CTNNA2: variants seen among roughly 807,000 people sequenced by gnomAD.
CTNNA2 encodes the protein catenin alpha-2.
In CTNNA2, 42 loss-of-function variants were observed where a neutral mutation model predicts 101.0. The observed-to-expected ratio is 0.42, with a 90% confidence interval of 0.32 to 0.54. The LOEUF is 0.54. CTNNA2 is among the 20% of genes least tolerant of loss of function. The probability of loss-of-function intolerance (pLI) is 0.14; values close to 1 mark genes in which losing one functional copy is unlikely to be tolerated. For missense variants in CTNNA2, 871 were observed against 1,223.1 expected (o/e 0.71, Z 4.29); for synonymous variants, 450 against 456.4 (o/e 0.99, Z 0.18).
intron 7 of CTNNA2, among the ~76,000 whole-genome samples, chr2:79,930,535 A>G (rs1290020724): frequency 6.6e-6 from 1 of 152,134 alleles, no homozygotes; most frequent in East Asian, 1.9e-4. Flanking sequence ...TTGCATTATG[A>G]TGCCTGGACG....
chr2:79,667,252 T>C (rs766459809), intron 2 of CTNNA2, among the ~76,000 whole-genome samples: 5 of 152,230 alleles, frequency 3.3e-5, no homozygotes, highest in Non-Finnish European at 7.3e-5. Context: ...GTAGTCCCTC[T>C]TGGGCCGTCA....
At chr2:80,220,549 T>G (rs952403705) in intron 7 of CTNNA2, among the ~76,000 whole-genome samples, 2 of 152,176 alleles carry the variant, frequency 1.3e-5, no homozygotes, top group Non-Finnish European at 2.9e-5. Flanking sequence ...TAGCAAGACC[T>G]CGGCTCTATT....
intron 9 of CTNNA2, among the ~76,000 whole-genome samples, chr2:80,532,727 T>G (rs1374168846): frequency 6.6e-6 from 1 of 152,140 alleles, no homozygotes. Flanking sequence ...AACTACTGTT[T>G]GGTTTGTGTG....
At chr2:79,689,345 T>C (rs1419455593) in intron 2 of CTNNA2, among the ~76,000 whole-genome samples, 1 of 151,900 alleles carries the variant, frequency 6.6e-6, no homozygotes, top group African/African-American at 2.4e-5. Context: ...ATAGAATCTG[T>C]CACAAGACTC....
chr2:79,288,158 A>G lies in CTNNA2; in HGVS notation c.-405-24551A>G, dbSNP rs192401688. On this transcript the variant is annotated intron_variant, in intron 2 of 21. Transcript: ENST00000466387. ...CTGTGCCCACTGTCTGGCACTCCCT[A>G]GTGAGATGAACCCGGTACCTCACAT... Among the ~76,000 whole-genome samples, 773 of 152,296 alleles carry G rather than the reference A, an allele frequency of 5.1e-3. 20 individuals are homozygous for G. The highest frequency in any genetic ancestry group is 0.045 in the Admixed American group (684 of 15,302).
chr2:80,159,561 A>G (rs930956855), intron 7 of CTNNA2, among the ~76,000 whole-genome samples: 2 of 152,018 alleles, frequency 1.3e-5, no homozygotes, highest in East Asian at 1.9e-4. Context: ...ATGTCCCTTC[A>G]TATCTTTTGT....
chr2:79,931,265 T>A lies in CTNNA2; in HGVS notation c.1056+21468T>A, dbSNP rs182950802. On this transcript the variant is annotated intron_variant, in intron 7 of 18. Transcript: ENST00000402739. ...ATCATTTAAATTCATCTTGTCTTTT[T>A]AATTATATTTATCTATGAATATCGG... is the stretch of plus-strand genomic sequence containing the variant. Among the ~76,000 whole-genome samples, 759 of 152,344 alleles carry A rather than the reference T, an allele frequency of 5.0e-3. 7 individuals carry two copies. Among genetic ancestry groups the A allele is most frequent in the African/African-American group, 0.017 (720 of 41,580 alleles).
chr2:79,735,347 T>C (rs1272159694), intron 2 of CTNNA2, among the ~76,000 whole-genome samples: 1 of 152,144 alleles, frequency 6.6e-6, no homozygotes, highest in Admixed American at 6.6e-5. Context: ...TAGACACTAC[T>C]GAAACACTTC....
At chr2:80,176,037 A>G (rs1705373710) in intron 7 of CTNNA2, among the ~76,000 whole-genome samples, 1 of 152,124 alleles carries the variant, frequency 6.6e-6, no homozygotes, top group Non-Finnish European at 1.5e-5. Context: ...CTCCTAATCC[A>G]CTGACTCAAA....
chr2:80,113,589 A>G (rs1701342914), intron 7 of CTNNA2, among the ~76,000 whole-genome samples: 1 of 152,178 alleles, frequency 6.6e-6, no homozygotes, highest in African/African-American at 2.4e-5. Context: ...TCATTTGTTT[A>G]CTTATTGTTT....
chr2:80,018,768 G>A (rs1383336491), intron 7 of CTNNA2, among the ~76,000 whole-genome samples: 4 of 144,172 alleles, frequency 2.8e-5, no homozygotes, highest in Non-Finnish European at 6.0e-5. Flanking sequence ...GCGACAGGGC[G>A]AGACTCTGTG....
chr2:79,887,635 T>C (rs933210584), intron 6 of CTNNA2, among the ~76,000 whole-genome samples: 13 of 152,196 alleles, frequency 8.5e-5, no homozygotes, highest in South Asian at 2.1e-4. Flanking sequence ...TTGTGCTTAA[T>C]TGGGCTCCTA....
chr2:80,303,684 C>G lies in CTNNA2; in HGVS notation c.1057-89527C>G. On this transcript the variant is annotated intron_variant, in intron 7 of 18. Coordinates refer to ENST00000402739, the MANE Select transcript of CTNNA2 (RefSeq NM_001282597.3). The surrounding 1 kb of genome is among the most constrained non-coding windows in gnomAD (Gnocchi z 7.7). ...GCCTCGCAGTACAGCAGCCGCCCCT[C>G]GCACCGGCACAGCTGCGGGCACCCG... 3 of 1,610,834 alleles carry G rather than the reference C, an allele frequency of 1.9e-6. No individual in the cohort carries two copies. Among genetic ancestry groups the G allele is most frequent in the East Asian group, 2.2e-5 (1 of 44,742 alleles).
chr2:79,789,860 G>A (rs115098484), intron 3 of CTNNA2, among the ~76,000 whole-genome samples: 1,721 of 152,174 alleles, frequency 0.011, 33 homozygotes, highest in African/African-American at 0.039. Flanking sequence ...CATGCTTCCT[G>A]GCTATCTGGG....
intron 7 of CTNNA2, among the ~76,000 whole-genome samples, chr2:80,109,210 C>T (rs1701065082): frequency 6.6e-6 from 1 of 152,202 alleles, no homozygotes; most frequent in Admixed American, 6.5e-5. Flanking sequence ...CCTGTAATCC[C>T]AGCACTTTGG....
At chr2:79,621,458 A>C (rs1678993019) in intron 1 of CTNNA2, among the ~76,000 whole-genome samples, 1 of 152,218 alleles carries the variant, frequency 6.6e-6, no homozygotes, top group South Asian at 2.1e-4. Context: ...TCAAAGGGAC[A>C]CAATTAAAAA....
At chr2:79,298,461 G>A (rs1214056315) in intron 2 of CTNNA2, among the ~76,000 whole-genome samples, 4 of 152,018 alleles carry the variant, frequency 2.6e-5, no homozygotes, top group Admixed American at 6.6e-5. Context: ...ATACATCACC[G>A]CTACAACATT....
chr2:80,209,398 C>T (rs1381033248), intron 7 of CTNNA2, among the ~76,000 whole-genome samples: 1 of 151,920 alleles, frequency 6.6e-6, no homozygotes, highest in African/African-American at 2.4e-5. Flanking sequence ...ACCATGTTGG[C>T]CAGGCTGGTC....
intron 3 of CTNNA2, among the ~76,000 whole-genome samples, chr2:79,333,695 G>A (rs889034816): frequency 6.6e-6 from 1 of 151,794 alleles, no homozygotes; most frequent in East Asian, 1.9e-4. Context: ...CTCAAATATA[G>A]GTTTATCAAT....
Sources: allele counts gnomAD v4.1 joint callset (sites outside exome capture counted in the v4.1 genomes callset), GRCh38; gene constraint gnomAD v4.1.1; non-coding constraint Gnocchi (gnomAD v3.1); transcripts MANE v1.5; gene names NCBI Gene and HGNC (gene_info 2026-07-23, HGNC 2026-07-21).